Variants in TMC1 observed in about 807,000 individuals in gnomAD.
TMC1 encodes transmembrane channel-like protein 1.
TMC1 carries 84 observed loss-of-function variants against 105.8 expected under a neutral mutation model. That is an observed-to-expected ratio of 0.79 (90% CI 0.67 to 0.95). TMC1 has a LOEUF of 0.95. Among genes scored for constraint, TMC1 ranks in the 40% least tolerant of loss-of-function variants. The pLI, the probability that TMC1 is intolerant of heterozygous loss-of-function variation, is 0.00. For missense variants in TMC1, 817 were observed against 914.1 expected (o/e 0.89, Z 1.37); for synonymous variants, 315 against 311.5 (o/e 1.01, Z -0.12).
At chr9:72,654,428 T>A (rs1465307764) in intron 5 of TMC1, among the ~76,000 whole-genome samples, 1 of 152,238 alleles carries the variant, frequency 6.6e-6, no homozygotes, top group Non-Finnish European at 1.5e-5. Context: ...TCATTCTCTT[T>A]TCTTCCTTTA....
intron 2 of TMC1, among the ~76,000 whole-genome samples, chr9:72,602,286 T>C (rs1452226950): frequency 2.6e-5 from 4 of 151,728 alleles, no homozygotes; most frequent in Non-Finnish European, 4.4e-5. Flanking sequence ...ACACTCCAGG[T>C]CACTCAGCCA....
chr9:72,610,153 A>G (rs977304225), intron 2 of TMC1, among the ~76,000 whole-genome samples: 2 of 152,198 alleles, frequency 1.3e-5, no homozygotes, highest in African/African-American at 4.8e-5. Context: ...TTCATTTTGT[A>G]TTTGAGTTGA....
At chr9:72,746,163 A>G (rs1827486713) in intron 10 of TMC1, among the ~76,000 whole-genome samples, 1 of 152,202 alleles carries the variant, frequency 6.6e-6, no homozygotes, top group African/African-American at 2.4e-5. Context: ...CTTTTCTCTT[A>G]AATAAATGGC....
chr9:72,772,590 G>A, intron 13 of TMC1, 35 bp downstream of exon 13: 1 of 1,612,994 alleles, frequency 6.2e-7, no homozygotes, highest in East Asian at 2.2e-5. Context: ...AGCAAATAAT[G>A]ATTTCTGGAA....
intron 2 of TMC1, among the ~76,000 whole-genome samples, chr9:72,602,949 A>T (rs1489724953): frequency 1.3e-5 from 2 of 152,216 alleles, no homozygotes; most frequent in Non-Finnish European, 2.9e-5. Flanking sequence ...AGGTGGTAGG[A>T]GGAAGGATAG....
chr9:72,712,387 C>T (rs889421945), intron 8 of TMC1, among the ~76,000 whole-genome samples: 4 of 152,096 alleles, frequency 2.6e-5, no homozygotes, highest in Non-Finnish European at 5.9e-5. Context: ...GATATTGATT[C>T]TTCCTATCCA....
At chr9:72,676,199 C>T (rs768738784) in intron 5 of TMC1, among the ~76,000 whole-genome samples, 3 of 152,044 alleles carry the variant, frequency 2.0e-5, no homozygotes, top group African/African-American at 4.8e-5. Flanking sequence ...TAATAAATAC[C>T]AATTTAGGGT....
chr9:72,830,741 T>G, intron 23 of TMC1, 59 bp downstream of exon 23: 1 of 1,169,480 alleles, frequency 8.6e-7, no homozygotes, highest in East Asian at 3.2e-5. Flanking sequence ...TTTCTTTCTT[T>G]TTTTTTTTTT....
At chr9:72,724,455 T>A (rs1351381516) in intron 8 of TMC1, among the ~76,000 whole-genome samples, 1 of 152,208 alleles carries the variant, frequency 6.6e-6, no homozygotes, top group Non-Finnish European at 1.5e-5. Flanking sequence ...CTCTTAAAGG[T>A]CCCATCTCTT....
At chr9:72,806,633 C>T (rs578199295) in intron 18 of TMC1, among the ~76,000 whole-genome samples, 9 of 151,044 alleles carry the variant, frequency 6.0e-5, no homozygotes, top group African/African-American at 1.5e-4. Flanking sequence ...GGGTCGCAGC[C>T]GGGCAGAGGT....
At chr9:72,624,172 T>A (rs1401357596) in intron 3 of TMC1, among the ~76,000 whole-genome samples, 1 of 152,100 alleles carries the variant, frequency 6.6e-6, no homozygotes, top group Non-Finnish European at 1.5e-5. Flanking sequence ...GAATTATCTT[T>A]TGTAAGTGGG....
At chr9:72,557,100 T>C (rs1823954977) in intron 1 of TMC1, among the ~76,000 whole-genome samples, 1 of 151,210 alleles carries the variant, frequency 6.6e-6, no homozygotes, top group African/African-American at 2.4e-5. Flanking sequence ...GACAGGTGGC[T>C]TGGCTCATGC....
At chr9:72,809,179 C>CT (rs1355440799) in intron 18 of TMC1, 2 of 152,148 alleles carry the variant, frequency 1.3e-5, no homozygotes, top group African/African-American at 4.8e-5. Context: ...CCTTTTATCC[C>CT]TTGGCTGCCT....
chr9:72,783,049 C>A (rs1422624823), intron 13 of TMC1, among the ~76,000 whole-genome samples: 4 of 152,042 alleles, frequency 2.6e-5, no homozygotes, highest in African/African-American at 9.7e-5. Flanking sequence ...TGACTTCAGA[C>A]TATGCTACAA....
chr9:72,592,407 C>G (rs909118381), intron 2 of TMC1, among the ~76,000 whole-genome samples: 2 of 152,166 alleles, frequency 1.3e-5, no homozygotes, highest in African/African-American at 4.8e-5. Context: ...TTCTTTTACT[C>G]TTATCATTGG....
chr9:72,642,466 T>G (rs1297147537), intron 4 of TMC1, among the ~76,000 whole-genome samples: 1 of 152,218 alleles, frequency 6.6e-6, no homozygotes, highest in East Asian at 1.9e-4. Flanking sequence ...GGACAGGCAA[T>G]ATGCCTTAAA....
intron 1 of TMC1, among the ~76,000 whole-genome samples, chr9:72,538,546 C>T (rs1442587443): frequency 1.3e-5 from 2 of 152,132 alleles, no homozygotes; most frequent in Non-Finnish European, 2.9e-5. Context: ...AAGCGATTCT[C>T]CTGCATCAGC....
At chr9:72,690,424 C>T (rs1826445588) in intron 6 of TMC1, among the ~76,000 whole-genome samples, 1 of 151,968 alleles carries the variant, frequency 6.6e-6, no homozygotes, top group Non-Finnish European at 1.5e-5. Context: ...CTTTACCAGA[C>T]AGTTTTATAT....
chr9:72,721,000 T>C (rs73650838), intron 8 of TMC1, among the ~76,000 whole-genome samples: 3 of 152,116 alleles, frequency 2.0e-5, no homozygotes, highest in Non-Finnish European at 2.9e-5. Context: ...CATGATGTAA[T>C]GTAAAATGCA....
Sources: allele counts gnomAD v4.1 joint callset (sites outside exome capture counted in the v4.1 genomes callset), GRCh38; gene constraint gnomAD v4.1.1; transcripts MANE v1.5; gene names NCBI Gene and HGNC (gene_info 2026-07-23, HGNC 2026-07-21).